Variants in MOGAT1 observed in about 807,000 individuals in gnomAD.
The protein encoded by MOGAT1 is monoacylglycerol O-acyltransferase 1, also known as 2-acylglycerol O-acyltransferase 1.
In MOGAT1, 32 loss-of-function variants were observed where a neutral mutation model predicts 31.4. That is an observed-to-expected ratio of 1.02 (90% CI 0.77 to 1.37). MOGAT1 has a LOEUF of 1.37. Ranked by LOEUF, MOGAT1 falls within the 40% of genes most tolerant of loss-of-function variation. MOGAT1 has a pLI of 0.00. For missense variants in MOGAT1, 426 were observed against 402.0 expected, an observed-to-expected ratio of 1.06 and a Z score of -0.51; for synonymous variants, 145 against 144.5, an observed-to-expected ratio of 1.00 and a Z score of -0.03.
At chr2:222,679,853 G>A (rs1692552177) in intron 1 of MOGAT1, among the ~76,000 whole-genome samples, 1 of 152,102 alleles carries the variant, frequency 6.6e-6, no homozygotes, top group Non-Finnish European at 1.5e-5. Flanking sequence ...CAGTTTTCCT[G>A]AAAACAGGAG....
chr2:222,684,812 T>C (rs1008824272), intron 1 of MOGAT1, among the ~76,000 whole-genome samples: 2 of 152,122 alleles, frequency 1.3e-5, no homozygotes, highest in African/African-American at 4.8e-5. Context: ...CCTGACCTCA[T>C]GATCCACCTG....
chr2:222,689,769 T>G (rs1223404607), intron 3 of MOGAT1, among the ~76,000 whole-genome samples: 2 of 152,218 alleles, frequency 1.3e-5, no homozygotes, highest in African/African-American at 4.8e-5. Flanking sequence ...ATGCAGTTTG[T>G]GTATTCAGAT....
chr2:222,687,113 C>CAAAAA (rs1177781176), intron 1 of MOGAT1, among the ~76,000 whole-genome samples: 5 of 22,446 alleles, frequency 2.2e-4, no homozygotes, highest in Non-Finnish European at 3.4e-4. Flanking sequence ...GACTCCATCT[C>CAAAAA]AAAAAAAAAA....
intron 1 of MOGAT1, among the ~76,000 whole-genome samples, chr2:222,683,721 C>A (rs1403988218): frequency 6.6e-6 from 1 of 151,162 alleles, no homozygotes; most frequent in African/African-American, 2.4e-5. Flanking sequence ...AGTGAGACTC[C>A]GTTTCAAAAA....
In MOGAT1 at chr2:222,695,196, T is replaced by A. The variant is rs745755337; in HGVS notation, c.761T>A (p.Ile254Asn). The change falls in exon 5 of 6, where the codon ATC becomes AAC. Residue 254 changes from isoleucine (I) to asparagine (N), a missense_variant. By Grantham distance (149) the Ile-to-Asn change is moderately radical (BLOSUM62 -3). Transcript: ENST00000446656. ...IRTVQNKLQKIMGFALPLFHA... is the reference protein window; with the variant it reads ...IRTVQNKLQKNMGFALPLFHA... ...ACTGTTCAGAATAAACTGCAGAAGA[T>A]CATGGGGTTTGCTTTGCCCCTGTTT... 3 of 1,613,750 alleles carry A rather than the reference T, an allele frequency of 1.9e-6. No homozygotes were observed. The highest frequency in any genetic ancestry group is 1.1e-5 in the South Asian group (1 of 91,034).
At position 222,709,743 on chromosome 2, in the gene MOGAT1, C is replaced by T. The variant is rs1284196671; in HGVS notation, c.861C>T (p.Arg287=). ...YRKAIHTVVG[R]PIPVRQTLNP... ...GTATTCCCTGATTTGCAGTTGGCCG[C>T]CCGATCCCTGTTCGTCAGACTCTGA... Residue 287 remains arginine (R), a synonymous_variant, in exon 6 of 6, where the codon CGC becomes CGT. Transcript: ENST00000446656. 1 of 1,612,362 alleles carries T rather than the reference C, an allele frequency of 6.2e-7. No individual in the cohort carries two copies. The highest frequency in any genetic ancestry group is 2.2e-5 in the East Asian group (1 of 44,862).
intron 1 of MOGAT1, among the ~76,000 whole-genome samples, chr2:222,683,235 T>C (rs1162380041): frequency 6.6e-6 from 1 of 150,514 alleles, no homozygotes; most frequent in Non-Finnish European, 1.5e-5. Context: ...AGACTTTAGA[T>C]TGGTAATTGC....
intron 5 of MOGAT1, among the ~76,000 whole-genome samples, chr2:222,704,693 T>C (rs189009770): frequency 8.1e-4 from 123 of 152,306 alleles, no homozygotes; most frequent in African/African-American, 2.6e-3. Context: ...TAGATCTTTT[T>C]ATTTGACCCT....
Position 222,709,805 on chromosome 2 carries a change from C to T in MOGAT1, c.923C>T (p.Thr308Ile), listed in dbSNP as rs746103536. The change falls in exon 6 of 6, where the codon ACC becomes ATC. Residue 308 changes from threonine (T) to isoleucine (I), a missense_variant. Coordinates refer to ENST00000446656, the MANE Select transcript of MOGAT1 (RefSeq NM_058165.3). The stretch of plus-strand genomic sequence containing the variant: ...GAGCAGATTGAGGAGTTACATCAGA[C>T]CTATATGGAGGAACTTAGGAAATTG... ...TQEQIEELHQ[T>I]YMEELRKLFE... 5.0e-6 allele frequency: 8 copies of T among 1,613,334 alleles called. No homozygotes were observed. The South Asian group carries it at 8.8e-5, about 18-fold the overall frequency.
chr2:222,708,819 G>A (rs1490667963), intron 5 of MOGAT1, among the ~76,000 whole-genome samples: 1 of 147,864 alleles, frequency 6.8e-6, no homozygotes, highest in Non-Finnish European at 1.5e-5. Context: ...GTGTATTTGT[G>A]TATGTGTACA....
chr2:222,704,429 C>A lies in MOGAT1; in HGVS notation c.854-5307C>A, dbSNP rs1249408985. ...CACGAGGTCAGGAGATCGAGACCAT[C>A]CTGGCTAACACGGTGAAACCCCGTC... On this transcript the variant is annotated intron_variant, in intron 5 of 5. Transcript: ENST00000446656. Among the ~76,000 whole-genome samples the A allele has an allele frequency of 2.0e-5, 3 of 151,856 alleles. No homozygotes were observed. The East Asian group carries it at 5.8e-4, about 29-fold the overall frequency.
chr2:222,690,812 C>T (rs1446258885), intron 3 of MOGAT1, among the ~76,000 whole-genome samples: 1 of 152,212 alleles, frequency 6.6e-6, no homozygotes, highest in African/African-American at 2.4e-5. Context: ...GCACTATCCC[C>T]CTCTTAACCA....
chr2:222,703,667 C>T (rs1471755722), intron 5 of MOGAT1, among the ~76,000 whole-genome samples: 1 of 152,140 alleles, frequency 6.6e-6, no homozygotes, highest in Non-Finnish European at 1.5e-5. Flanking sequence ...CTTCATCTGA[C>T]ACCCAGGTTC....
At chr2:222,676,827 G>T (rs181967045) in intron 1 of MOGAT1, among the ~76,000 whole-genome samples, 93 of 152,200 alleles carry the variant, frequency 6.1e-4, no homozygotes, top group Admixed American at 2.9e-3. Context: ...AGCTATATAA[G>T]GGTATGCTCT....
chr2:222,704,513 A>T (rs1692975232), intron 5 of MOGAT1, among the ~76,000 whole-genome samples: 1 of 151,642 alleles, frequency 6.6e-6, no homozygotes, highest in Non-Finnish European at 1.5e-5. Context: ...AGTCCCAGCT[A>T]CTCGGGAGGC....
intron 1 of MOGAT1, among the ~76,000 whole-genome samples, chr2:222,675,025 C>T (rs1295061900): frequency 2.0e-5 from 3 of 152,184 alleles, no homozygotes; most frequent in South Asian, 4.1e-4. Context: ...AAGACCCATG[C>T]ATTATATTTG....
At chr2:222,674,136 G>T (rs901197081) in intron 1 of MOGAT1, among the ~76,000 whole-genome samples, 1 of 152,200 alleles carries the variant, frequency 6.6e-6, no homozygotes, top group African/African-American at 2.4e-5. Flanking sequence ...ACATGTGACC[G>T]CATGTGAGTG....
At chr2:222,699,198 T>G (rs964723256) in intron 5 of MOGAT1, 1 of 152,216 alleles carries the variant, frequency 6.6e-6, no homozygotes, top group Non-Finnish European at 1.5e-5. Context: ...CAGACGGGGT[T>G]TCATCATGTT....
chr2:222,702,196 T>A (rs1692939357), intron 5 of MOGAT1, among the ~76,000 whole-genome samples: 2 of 152,182 alleles, frequency 1.3e-5, no homozygotes, highest in Admixed American at 1.3e-4. Context: ...GCCTGGACTC[T>A]TTAAAAATAT....
Sources: gnomAD v4.1 joint callset for allele counts (sites outside exome capture counted in the v4.1 genomes callset) on GRCh38, gnomAD v4.1.1 for gene constraint, MANE v1.5 for transcripts, NCBI Gene and HGNC (gene_info 2026-07-23, HGNC 2026-07-21) for gene names.